TRAPPC12: variants seen among roughly 807,000 people sequenced by gnomAD.
TRAPPC12 encodes the protein trafficking protein particle complex subunit 12, also known as TPR repeat protein 15.
A neutral mutation model predicts 69.2 loss-of-function variants in TRAPPC12; 61 were observed. That is an observed-to-expected ratio of 0.88 (90% CI 0.72 to 1.09). The LOEUF (loss-of-function observed/expected upper bound fraction) is 1.09. Among genes scored for constraint, TRAPPC12 ranks in the 50% least tolerant of loss-of-function variants. The pLI is 0.00. For missense variants in TRAPPC12, 1,101 were observed against 1,016.4 expected, an observed-to-expected ratio of 1.08 and a Z score of -1.13; for synonymous variants, 469 against 438.9, an observed-to-expected ratio of 1.07 and a Z score of -0.86.
At position 3,458,092 on chromosome 2, in the gene TRAPPC12, G is replaced by A. The variant is rs111493506; in HGVS notation, c.1603+399G>A. ...GCCTCTGCGTCGGGGACAGAGGCTC[G>A]GGAGGGTGCTTCAGGAGGAGCTGGA... On this transcript the variant is annotated intron_variant, in intron 7 of 11. Coordinates refer to ENST00000324266, the MANE Select transcript of TRAPPC12 (RefSeq NM_016030.6). 8.3e-5 allele frequency: 86 copies of A among 1,030,078 alleles called. 1 individual carries two copies. The highest frequency in any genetic ancestry group is 8.0e-4 in the African/African-American group (46 of 57,476). The allele number at this position is 1,030,078 out of a possible 1,614,324, so 63.8% of individuals were successfully genotyped here. A position where few individuals can be genotyped will look rare whatever the true frequency, so the allele number is the denominator to read the frequency against.
chr2:3,463,937 G>A (rs571509845), intron 8 of TRAPPC12, among the ~76,000 whole-genome samples: 1 of 152,262 alleles, frequency 6.6e-6, no homozygotes, highest in South Asian at 2.1e-4. Context: ...CCGAGCTGGT[G>A]CAAGCTGGTG....
intron 3 of TRAPPC12, among the ~76,000 whole-genome samples, chr2:3,413,299 C>A (rs1024740430): frequency 2.0e-5 from 3 of 152,118 alleles, no homozygotes. Flanking sequence ...TTTCTTTTAT[C>A]CTGGGACAGC....
rs112093782 is a variant in TRAPPC12, at chr2:3,414,918, C to T, written c.1165-6963C>T. 6.6e-5 allele frequency among the ~76,000 whole-genome samples: 10 copies of T among 152,306 alleles called. No individual in the cohort carries two copies. The highest frequency in any genetic ancestry group is 5.2e-4 in the Admixed American group (8 of 15,306). ...TTCCGCATCCACAGATTCCACCACCCGCAGTTGGGAAACACAGTGAGGTAT... is the reference window on the plus strand; with the variant it reads ...TTCCGCATCCACAGATTCCACCACCTGCAGTTGGGAAACACAGTGAGGTAT... On this transcript the variant is annotated intron_variant, in intron 3 of 11. Transcript: ENST00000324266. The surrounding 1 kb of genome is among the most constrained non-coding windows in gnomAD (Gnocchi z 4.9).
chr2:3,384,256 A>G (rs1475948665), intron 1 of TRAPPC12, among the ~76,000 whole-genome samples: 1 of 152,150 alleles, frequency 6.6e-6, no homozygotes, highest in Non-Finnish European at 1.5e-5. Context: ...ATCATACACG[A>G]AGAATGAAGG....
intron 1 of TRAPPC12, 44 bp from the exon 2 acceptor site, chr2:3,387,576 A>T: frequency 7.0e-7 from 1 of 1,423,220 alleles, no homozygotes; most frequent in Non-Finnish European, 9.4e-7. Context: ...GTTGAGGTGA[A>T]TGAAGATCAC....
intron 2 of TRAPPC12, among the ~76,000 whole-genome samples, chr2:3,399,242 G>A (rs1176822306): frequency 6.6e-6 from 1 of 152,244 alleles, no homozygotes; most frequent in Non-Finnish European, 1.5e-5. Flanking sequence ...ATGTTGTGGG[G>A]ATGGAGGAGT....
chr2:3,385,505 GT>G (rs1558336123), intron 1 of TRAPPC12, among the ~76,000 whole-genome samples: 1 of 152,084 alleles, frequency 6.6e-6, no homozygotes, highest in African/African-American at 2.4e-5. Flanking sequence ...TCTAGGCGAT[GT>G]TTTTTGTTAT....
chr2:3,469,805 G>T (rs528407394), intron 9 of TRAPPC12, among the ~76,000 whole-genome samples: 1 of 152,348 alleles, frequency 6.6e-6, no homozygotes, highest in Non-Finnish European at 1.5e-5. Context: ...GGTGGGAAAT[G>T]GACAGAATCG....
intron 6 of TRAPPC12, among the ~76,000 whole-genome samples, chr2:3,452,038 C>G (rs1366689215): frequency 6.6e-6 from 1 of 152,180 alleles, no homozygotes; most frequent in African/African-American, 2.4e-5. Context: ...CTGTGGGTCT[C>G]GAGTCCAGCA....
intron 9 of TRAPPC12, 126 bp downstream of exon 9, chr2:3,465,821 TA>T: frequency 1.4e-6 from 1 of 717,606 alleles, no homozygotes; most frequent in South Asian, 1.7e-5. Flanking sequence ...AATTCAAATG[TA>T]TGTGACCATG....
At chr2:3,438,755 T>C (rs1664033782) in intron 5 of TRAPPC12, among the ~76,000 whole-genome samples, 1 of 152,136 alleles carries the variant, frequency 6.6e-6, no homozygotes, top group Non-Finnish European at 1.5e-5. Context: ...TGTCTTTTTC[T>C]GCTTGATAGT....
intron 6 of TRAPPC12, among the ~76,000 whole-genome samples, chr2:3,452,557 C>T (rs1326083886): frequency 2.0e-5 from 3 of 152,168 alleles, no homozygotes; most frequent in African/African-American, 7.2e-5. Context: ...TCCAGCCCGT[C>T]CTGGTGGTTG....
chr2:3,449,873 A>C (rs896849659), intron 6 of TRAPPC12, among the ~76,000 whole-genome samples: 2 of 151,756 alleles, frequency 1.3e-5, no homozygotes, highest in African/African-American at 2.4e-5. Flanking sequence ...AATGACTGGC[A>C]GGTGGGGAGA....
chr2:3,388,264 C>T lies in TRAPPC12; in HGVS notation c.641C>T (p.Ala214Val), dbSNP rs1318353446. The change falls in exon 2 of 12, where the codon GCC (alanine) becomes GTC (valine). Residue 214 changes from alanine to valine, a missense_variant. Coordinates refer to ENST00000324266, the MANE Select transcript of TRAPPC12 (RefSeq NM_016030.6). ...CTCAGCACGTTCTTCGGAGACACGG[C>T]CGCCAGCCACTCCTTGGCCTCGGAC... ...PSLSTFFGDT[A>V]ASHSLASDFF... The T allele has an allele frequency of 1.2e-6, 2 of 1,608,556 alleles. No individual in the cohort carries two copies. The highest frequency in any genetic ancestry group is 2.3e-5 in the East Asian group (1 of 44,378).
intron 6 of TRAPPC12, among the ~76,000 whole-genome samples, chr2:3,446,940 A>T (rs1664541312): frequency 6.6e-6 from 1 of 152,218 alleles, no homozygotes; most frequent in Admixed American, 6.5e-5. Context: ...TCATGCTAGA[A>T]TTTCTTTACT....
rs577351987 is a variant in TRAPPC12, at chr2:3,400,572, G to C, written c.1048-1205G>C. ...CCAGAAAGGAGAGAGATGGTCCAGG[G>C]CTGTGTCCTGGTCCCAGCTGTGTGT... is the stretch of plus-strand genomic sequence containing the variant. On this transcript the variant is annotated intron_variant, in intron 2 of 11. Coordinates refer to ENST00000324266, the MANE Select transcript of TRAPPC12 (RefSeq NM_016030.6). 4.6e-5 allele frequency among the ~76,000 whole-genome samples: 7 copies of C among 152,280 alleles called. No individual in the cohort carries two copies. The South Asian group carries it at 1.4e-3, about 32-fold the overall frequency.
intron 2 of TRAPPC12, among the ~76,000 whole-genome samples, chr2:3,393,329 G>T (rs1203631995): frequency 6.6e-6 from 1 of 151,988 alleles, no homozygotes; most frequent in Non-Finnish European, 1.5e-5. Flanking sequence ...GCTGGGGCCT[G>T]GGGGTGTGAG....
intron 3 of TRAPPC12, among the ~76,000 whole-genome samples, chr2:3,408,020 C>T (rs1251248020): frequency 6.6e-6 from 1 of 152,146 alleles, no homozygotes; most frequent in Non-Finnish European, 1.5e-5. Context: ...GCCGGTCGTC[C>T]CCTCTCCAGC....
chr2:3,476,502 A>AGCCT (rs1666296162), intron 9 of TRAPPC12, among the ~76,000 whole-genome samples: 1 of 152,180 alleles, frequency 6.6e-6, no homozygotes, highest in South Asian at 2.1e-4. Flanking sequence ...CTGGGAGGCG[A>AGCCT]GCCTGCCTGC....
Sources: gnomAD v4.1 joint callset for allele counts (sites outside exome capture counted in the v4.1 genomes callset) on GRCh38, gnomAD v4.1.1 for gene constraint, Gnocchi (gnomAD v3.1) non-coding constraint, MANE v1.5 for transcripts, NCBI Gene and HGNC (gene_info 2026-07-23, HGNC 2026-07-21) for gene names.